The following HECW2 variants were observed in gnomAD, a reference collection of about 807,000 sequenced individuals.
HECW2 encodes HECT, C2 and WW domain containing E3 ubiquitin protein ligase 2.
In HECW2, 61 loss-of-function variants were observed where a neutral mutation model predicts 175.2. That is an observed-to-expected ratio of 0.35 (90% CI 0.28 to 0.43). The LOEUF (loss-of-function observed/expected upper bound fraction) is 0.43. Ranked by LOEUF, HECW2 falls within the 20% of genes least tolerant of loss-of-function variation. HECW2 has a pLI of 1.00. For missense variants in HECW2, 1,524 were observed against 2,000.5 expected, an observed-to-expected ratio of 0.76 and a Z score of 4.54; for synonymous variants, 671 against 731.0, an observed-to-expected ratio of 0.92 and a Z score of 1.32.
intron 19 of HECW2, among the ~76,000 whole-genome samples, chr2:196,249,437 A>G (rs988738418): frequency 4.9e-5 from 7 of 143,612 alleles, no homozygotes; most frequent in African/African-American, 1.8e-4. Context: ...ACTTGAAAAT[A>G]CATGTCAACG....
At chr2:196,205,223 A>G (rs1030954930) in intron 28 of HECW2, among the ~76,000 whole-genome samples, 1 of 152,214 alleles carries the variant, frequency 6.6e-6, no homozygotes, top group East Asian at 1.9e-4. Flanking sequence ...AACTGTGTGG[A>G]AAGATTAAAT....
At chr2:196,317,908 T>A (rs1233112600) in intron 9 of HECW2, among the ~76,000 whole-genome samples, 1 of 152,230 alleles carries the variant, frequency 6.6e-6, no homozygotes, top group Non-Finnish European at 1.5e-5. Flanking sequence ...TGTAAATTTG[T>A]GTCCTTGGAT....
intron 1 of HECW2, among the ~76,000 whole-genome samples, chr2:196,543,975 T>TTC (rs781621968): frequency 4.6e-5 from 7 of 152,194 alleles, no homozygotes; most frequent in Non-Finnish European, 8.8e-5. Flanking sequence ...TTAGGCAGCA[T>TTC]TCTCAGGGCA....
At chr2:196,498,023 A>G (rs922011509) in intron 1 of HECW2, among the ~76,000 whole-genome samples, 2 of 152,228 alleles carry the variant, frequency 1.3e-5, no homozygotes, top group Non-Finnish European at 2.9e-5. Flanking sequence ...ATGTATACTC[A>G]TTAAATAAAT....
At chr2:196,375,007 C>G (rs1694010276) in intron 2 of HECW2, among the ~76,000 whole-genome samples, 1 of 151,424 alleles carries the variant, frequency 6.6e-6, no homozygotes, top group African/African-American at 2.4e-5. Flanking sequence ...CTAAAAAATA[C>G]AAAAATTAGC....
rs1444426972 is a variant in HECW2 at position 196,200,696 on chromosome 2, A to G, written c.*581T>C. 1 of 152,724 alleles carries G rather than the reference A, an allele frequency of 6.5e-6. No individual in the cohort carries two copies. The highest frequency in any genetic ancestry group is 1.9e-4 in the East Asian group (1 of 5,198). 9.5% of individuals were successfully genotyped at this position (152,724 alleles called of 1,614,324 possible). A position where few individuals can be genotyped will look rare whatever the true frequency, so the allele number is the denominator to read the frequency against. On this transcript the variant is annotated 3_prime_UTR_variant, in exon 29 of 29. Transcript: ENST00000644978. ...ATTGTCACAGACCATCTTATTGCAA[A>G]TCTGTAAAGGTACCTCATATTGACT...
At chr2:196,380,764 G>A (rs1694186727) in intron 2 of HECW2, among the ~76,000 whole-genome samples, 1 of 152,154 alleles carries the variant, frequency 6.6e-6, no homozygotes, top group African/African-American at 2.4e-5. Context: ...TACCATGGTT[G>A]CAGAGCTTCT....
At chr2:196,527,210 C>T (rs1448495751) in intron 1 of HECW2, among the ~76,000 whole-genome samples, 1 of 152,222 alleles carries the variant, frequency 6.6e-6, no homozygotes, top group African/African-American at 2.4e-5. Context: ...GTCTGAAAAG[C>T]GCAATATTCG....
At chr2:196,454,737 A>G (rs1251671869) in intron 1 of HECW2, among the ~76,000 whole-genome samples, 1 of 152,172 alleles carries the variant, frequency 6.6e-6, no homozygotes, top group African/African-American at 2.4e-5. Flanking sequence ...AGGTTCTAGA[A>G]CTAGAATTTT....
chr2:196,278,762 C>T (rs1357930517), intron 14 of HECW2, 100 bp from the exon 15 acceptor site: 8 of 1,305,646 alleles, frequency 6.1e-6, no homozygotes, highest in South Asian at 1.3e-5. Flanking sequence ...GAGTCACAAT[C>T]TTAGCTCTAT....
In HECW2 at chr2:196,580,547, T is replaced by A. The variant is rs573059296; in HGVS notation, c.-36+12961A>T. ...TGAATAGACAATTCCTCAAAGAAGA[T>A]AGTTAAATAACCAATAAGCACATGA... On this transcript the variant is annotated intron_variant, in intron 1 of 28. Transcript: ENST00000644978. 4.0e-5 allele frequency among the ~76,000 whole-genome samples: 6 copies of A among 151,194 alleles called. 1 individual carries two copies. Among genetic ancestry groups the A allele is most frequent in the Non-Finnish European group, 7.4e-5 (5 of 67,910 alleles).
intron 28 of HECW2, among the ~76,000 whole-genome samples, chr2:196,203,115 A>G (rs2105760352): frequency 6.6e-6 from 1 of 152,222 alleles, no homozygotes; most frequent in African/African-American, 2.4e-5. Context: ...TAGATTTAAA[A>G]TTTTTTGACT....
chr2:196,518,654 CAAAAAAAAAAA>C (rs747681637), intron 1 of HECW2, among the ~76,000 whole-genome samples: 1 of 77,432 alleles, frequency 1.3e-5, no homozygotes, highest in Non-Finnish European at 2.9e-5. Context: ...GATTCTGTCT[CAAAAAAAAAAA>C]AAAAAAAAAA....
intron 2 of HECW2, among the ~76,000 whole-genome samples, chr2:196,419,273 G>A (rs982801199): frequency 6.6e-6 from 1 of 152,200 alleles, no homozygotes; most frequent in African/African-American, 2.4e-5. Flanking sequence ...CAGAGTGGGC[G>A]ATTTTTCTGA....
In HECW2 at chr2:196,201,325, T is replaced by A; in HGVS notation, c.4671A>T (p.Glu1557Asp). ...TTTCTTCAACTGCTGTCAACAGTTT[T>A]TCATAAAGCATGGAAAAGGATGGGT... ...PPYPSFSMLY[E>D]KLLTAVEETS... is the part of the protein sequence containing the mutation. The change falls in exon 29 of 29, where the codon GAA becomes GAT. Residue 1557 changes from glutamate to aspartate, a missense_variant. Coordinates refer to ENST00000644978, the MANE Select transcript of HECW2 (RefSeq NM_001348768.2). 6.2e-7 allele frequency: 1 copy of A among 1,613,736 alleles called. No individual in the cohort carries two copies. The highest frequency in any genetic ancestry group is 8.5e-7 in the Non-Finnish European group (1 of 1,179,670).
At chr2:196,362,058 A>T in intron 2 of HECW2, 2 of 985,310 alleles carry the variant, frequency 2.0e-6, no homozygotes, top group Non-Finnish European at 2.4e-6. Context: ...AAGTTCTAGA[A>T]ATGAAATACT....
chr2:196,319,684 C>A lies in HECW2; in HGVS notation c.1206G>T (p.Thr402=). 6.2e-7 allele frequency: 1 copy of A among 1,614,184 alleles called. No individual in the cohort carries two copies. The highest frequency in any genetic ancestry group is 8.5e-7 in the Non-Finnish European group (1 of 1,180,038). ...LEIDTEELTS[T]SSRTSPPRGR... Reference sequence around the variant, plus strand: ...CTCTGGGAGGTGAGGTCCTTGAAGACGTAGAGGTTAATTCCTCTGTGTCTA... The same window carrying A: ...CTCTGGGAGGTGAGGTCCTTGAAGAAGTAGAGGTTAATTCCTCTGTGTCTA... The change falls in exon 9 of 29, where the codon ACG becomes ACT. Residue 402 remains threonine, a synonymous_variant. Coordinates refer to ENST00000644978, the MANE Select transcript of HECW2 (RefSeq NM_001348768.2).
chr2:196,445,606 A>G (rs1414977632), intron 1 of HECW2, among the ~76,000 whole-genome samples: 1 of 152,238 alleles, frequency 6.6e-6, no homozygotes, highest in African/African-American at 2.4e-5. Context: ...GTCAAGCTAC[A>G]TGAAAGAAAT....
intron 28 of HECW2, 22 bp downstream of exon 28, chr2:196,215,843 G>T: frequency 1.3e-6 from 2 of 1,493,042 alleles, no homozygotes; most frequent in Non-Finnish European, 1.9e-6. Flanking sequence ...TGACAGTAAA[G>T]AAATGTTATT....
Sources: allele counts gnomAD v4.1 joint callset (sites outside exome capture counted in the v4.1 genomes callset), GRCh38; gene constraint gnomAD v4.1.1; transcripts MANE v1.5; gene names NCBI Gene and HGNC (gene_info 2026-07-23, HGNC 2026-07-21).